The following MYO10 variants were observed in gnomAD, a reference collection of about 807,000 sequenced individuals.
MYO10 encodes the protein unconventional myosin-X.
In MYO10, 133 loss-of-function variants were observed where a neutral mutation model predicts 257.3. That is an observed-to-expected ratio of 0.52 (90% CI 0.45 to 0.60). MYO10 has a LOEUF of 0.60. Among genes scored for constraint, MYO10 ranks in the 20% least tolerant of loss-of-function variants. The pLI, the probability that MYO10 is intolerant of heterozygous loss-of-function variation, is 0.00. For synonymous variants in MYO10, 1,104 were observed against 1,028.6 expected (o/e 1.07, Z -1.40); for missense variants, 2,399 against 2,635.7 (o/e 0.91, Z 1.97).
At chr5:16,809,490 A>C (rs1353251858) in intron 3 of MYO10, among the ~76,000 whole-genome samples, 1 of 152,238 alleles carries the variant, frequency 6.6e-6, no homozygotes, top group African/African-American at 2.4e-5. Context: ...TTCACATGGC[A>C]AGCAGGCCGT....
chr5:16,818,435 T>TTTG (rs200962282), intron 2 of MYO10, among the ~76,000 whole-genome samples: 5 of 149,544 alleles, frequency 3.3e-5, no homozygotes, highest in Admixed American at 6.7e-5. Flanking sequence ...TACACATATC[T>TTTG]TTGTTGTTGT....
At chr5:16,711,521 C>T (rs551487202) in intron 19 of MYO10, among the ~76,000 whole-genome samples, 56 of 152,338 alleles carry the variant, frequency 3.7e-4, no homozygotes, top group African/African-American at 1.3e-3. Flanking sequence ...CGGTGGCTCG[C>T]GCCTGTAATC....
chr5:16,716,896 T>G (rs1287454890), intron 19 of MYO10, among the ~76,000 whole-genome samples: 2 of 152,160 alleles, frequency 1.3e-5, no homozygotes, highest in African/African-American at 2.4e-5. Flanking sequence ...TGCAGTGGTG[T>G]GATCTTGGCT....
chr5:16,732,459 T>C (rs1165485332), intron 19 of MYO10, among the ~76,000 whole-genome samples: 1 of 152,318 alleles, frequency 6.6e-6, no homozygotes, highest in Non-Finnish European at 1.5e-5. Flanking sequence ...CTCACTCTAT[T>C]CATCTGTGTT....
In MYO10 at chr5:16,757,119, TAAAAAAAAA is replaced by T. The variant is rs58155620; in HGVS notation, c.1848+990_1848+998del. On this transcript the variant is annotated intron_variant, in intron 18 of 40. Coordinates refer to ENST00000513610, the MANE Select transcript of MYO10 (RefSeq NM_012334.3). The stretch of plus-strand genomic sequence containing the variant: ...GGGTGACAGAGCGAGACTCTGCCTT[TAAAAAAAAA>T]AAAAAAAAAAAAAAAGTCGGGTGTA... Among the ~76,000 whole-genome samples, 5 of 100,136 alleles carry T rather than the reference TAAAAAAAAA, an allele frequency of 5.0e-5. No individual in the cohort carries two copies. In the East Asian group the frequency reaches 8.4e-4, roughly 17 times the overall value. The allele number at this position is 100,136 out of a possible 152,430, so 65.7% of individuals were successfully genotyped here. A position where few individuals can be genotyped will look rare whatever the true frequency, so the allele number is the denominator to read the frequency against.
In MYO10 at chr5:16,832,708, C is replaced by A. The variant is rs147384961; in HGVS notation, c.121-14541G>T. Among the ~76,000 whole-genome samples the A allele has an allele frequency of 2.7e-3, 406 of 152,310 alleles. 3 individuals carry two copies. The highest frequency in any genetic ancestry group is 9.5e-3 in the African/African-American group (393 of 41,564). ...CATAAGCCCAGATCCCTTCAGGTAACATGGCTATCACATGAACTTAAACTC... is the reference window on the plus strand; with the variant it reads ...CATAAGCCCAGATCCCTTCAGGTAAAATGGCTATCACATGAACTTAAACTC... On this transcript the variant is annotated intron_variant, in intron 2 of 40. Coordinates refer to ENST00000513610, the MANE Select transcript of MYO10 (RefSeq NM_012334.3).
rs373170289 is a variant in MYO10 at position 16,819,111 on chromosome 5, C to A, written c.121-944G>T. 6.6e-5 allele frequency among the ~76,000 whole-genome samples: 10 copies of A among 152,256 alleles called. No individual in the cohort carries two copies. In the East Asian group the frequency reaches 1.9e-3, roughly 29 times the overall value. ...ATCATCACAGGAATGTTTAGAAAAT[C>A]TCCTTGGACAATATTCCCTTTCAAC... On this transcript the variant is annotated intron_variant, in intron 2 of 40. Transcript: ENST00000513610.
At chr5:16,788,894 A>G (rs887690056) in intron 4 of MYO10, among the ~76,000 whole-genome samples, 1 of 152,198 alleles carries the variant, frequency 6.6e-6, no homozygotes, top group African/African-American at 2.4e-5. Context: ...AAGATTTTGA[A>G]TAACGTCAAC....
chr5:16,928,839 C>T (rs1274194151), intron 1 of MYO10, among the ~76,000 whole-genome samples: 4 of 146,966 alleles, frequency 2.7e-5, no homozygotes, highest in Non-Finnish European at 4.5e-5. Flanking sequence ...AGCAAGACTC[C>T]ATCTCAAAAA....
intron 1 of MYO10, among the ~76,000 whole-genome samples, chr5:16,884,043 C>T (rs185419197): frequency 1.3e-5 from 2 of 152,300 alleles, no homozygotes; most frequent in Admixed American, 1.3e-4. Flanking sequence ...TCTCTGGCCA[C>T]CTACATGACA....
chr5:16,773,061 T>C (rs1444275099), intron 9 of MYO10, among the ~76,000 whole-genome samples: 4 of 152,222 alleles, frequency 2.6e-5, no homozygotes, highest in Non-Finnish European at 5.9e-5. Flanking sequence ...TATTTAATTA[T>C]GTGTTCATTA....
At chr5:16,900,225 A>G (rs1745340186) in intron 1 of MYO10, among the ~76,000 whole-genome samples, 1 of 152,212 alleles carries the variant, frequency 6.6e-6, no homozygotes, top group South Asian at 2.1e-4. Flanking sequence ...TAAGACAAAT[A>G]AAACTAGACA....
At chr5:16,744,348 G>T (rs544874109) in intron 19 of MYO10, among the ~76,000 whole-genome samples, 1 of 152,164 alleles carries the variant, frequency 6.6e-6, no homozygotes, top group African/African-American at 2.4e-5. Context: ...ATACACACAC[G>T]TTAAACACAG....
At chr5:16,769,272 G>C (rs1560975323) in intron 9 of MYO10, 69 bp from the exon 10 acceptor site, 1 of 1,432,642 alleles carries the variant, frequency 7.0e-7, no homozygotes, top group East Asian at 2.6e-5. Context: ...GAATATCCCT[G>C]ATAATATAAA....
intron 19 of MYO10, among the ~76,000 whole-genome samples, chr5:16,722,627 G>C (rs553923501): frequency 3.6e-4 from 55 of 152,300 alleles, no homozygotes; most frequent in African/African-American, 1.3e-3. Flanking sequence ...AGAATAATTG[G>C]ACAGCAATAT....
At chr5:16,746,981 C>G (rs975209142) in intron 19 of MYO10, among the ~76,000 whole-genome samples, 1 of 152,154 alleles carries the variant, frequency 6.6e-6, no homozygotes, top group East Asian at 1.9e-4. Flanking sequence ...ACCCTCACAC[C>G]CAGACTCCCT....
Position 16,718,456 on chromosome 5 carries a change from A to T in MYO10, c.1930-7211T>A, listed in dbSNP as rs180904181. ...CGTGGAGAGTATTTATATCTAGCTCAGGGATTGTAAATACACCAATCAGCA... is the reference window on the plus strand; with the variant it reads ...CGTGGAGAGTATTTATATCTAGCTCTGGGATTGTAAATACACCAATCAGCA... On this transcript the variant is annotated intron_variant, in intron 19 of 40. Coordinates refer to ENST00000513610, the MANE Select transcript of MYO10 (RefSeq NM_012334.3). Among the ~76,000 whole-genome samples, 132 of 152,380 alleles carry T rather than the reference A, an allele frequency of 8.7e-4. No homozygotes were observed. In the East Asian group the frequency reaches 0.02, roughly 23 times the overall value.
intron 1 of MYO10, among the ~76,000 whole-genome samples, chr5:16,930,594 C>T (rs543087224): frequency 9.8e-5 from 15 of 152,296 alleles, no homozygotes; most frequent in Admixed American, 7.2e-4. Context: ...TTCCATTCAC[C>T]AAGGGCCACT....
intron 19 of MYO10, among the ~76,000 whole-genome samples, chr5:16,723,599 G>A (rs974154841): frequency 6.6e-6 from 1 of 152,060 alleles, no homozygotes; most frequent in Admixed American, 6.6e-5. Flanking sequence ...ATGATCCAGC[G>A]ACTGCCCGCT....
Sources: allele counts gnomAD v4.1 joint callset (sites outside exome capture counted in the v4.1 genomes callset), GRCh38; gene constraint gnomAD v4.1.1; transcripts MANE v1.5; gene names NCBI Gene and HGNC (gene_info 2026-07-23, HGNC 2026-07-21).